GET1: variants seen among roughly 807,000 people sequenced by gnomAD.
The protein encoded by GET1 is congenital heart disease 5 protein.
A neutral mutation model predicts 22.6 loss-of-function variants in GET1; 20 were observed. The ratio of observed to expected loss-of-function variants is 0.89; its 90% CI spans 0.62 to 1.29. The LOEUF (loss-of-function observed/expected upper bound fraction) is 1.29, where lower values mean the gene tolerates loss of function less well. Among genes scored for constraint, GET1 ranks in the 50% most tolerant of loss-of-function variants. The pLI is 0.00. For missense variants in GET1, 209 were observed against 219.9 expected (o/e 0.95, Z 0.31); for synonymous variants, 92 against 83.8 (o/e 1.10, Z -0.53).
chr21:39,390,647 C>T, intron 1 of GET1, 51 bp from the exon 2 acceptor site: 1 of 1,602,172 alleles, frequency 6.2e-7, no homozygotes, highest in Non-Finnish European at 8.5e-7. Context: ...CTGGGGAACC[C>T]TCCTGTGACC....
At chr21:39,403,541 G>A (rs1015200802) in intron 4 of GET1, among the ~76,000 whole-genome samples, 2 of 123,468 alleles carry the variant, frequency 1.6e-5, no homozygotes, top group East Asian at 2.0e-4. Context: ...TAGCCAGGAT[G>A]GTCTCGATCT....
intron 1 of GET1, among the ~76,000 whole-genome samples, chr21:39,385,924 A>C (rs1312359345): frequency 6.6e-6 from 1 of 152,038 alleles, no homozygotes; most frequent in Non-Finnish European, 1.5e-5. Flanking sequence ...CAGGCGCCCT[A>C]GGACTGGCGC....
intron 1 of GET1, among the ~76,000 whole-genome samples, chr21:39,383,403 T>A (rs530963083): frequency 4.7e-4 from 71 of 151,730 alleles, no homozygotes; most frequent in Non-Finnish European, 9.3e-4. Flanking sequence ...TGCCTCAGCT[T>A]CCCAAGTAGC....
chr21:39,423,920 T>C (rs2074182755), intron 1 of GET1, among the ~76,000 whole-genome samples: 1 of 152,180 alleles, frequency 6.6e-6, no homozygotes, highest in Non-Finnish European at 1.5e-5. Flanking sequence ...TTTGGGAGGC[T>C]GCAGTGGGAG....
downstream of GET1, chr21:39,408,581 T>G (rs576528596): frequency 1.3e-5 from 2 of 152,462 alleles, no homozygotes; most frequent in Admixed American, 1.3e-4. Context: ...TGATGAAGTG[T>G]TGTACTCTCT....
At chr21:39,396,751 C>G in intron 4 of GET1, 115 bp from the exon 5 acceptor site, 1 of 929,742 alleles carries the variant, frequency 1.1e-6, no homozygotes, top group Non-Finnish European at 1.7e-6. Flanking sequence ...CACTTCAGCC[C>G]AGCACTGCTC....
At chr21:39,420,972 A>G (rs1440728539) in intron 1 of GET1, 1 of 625,040 alleles carries the variant, frequency 1.6e-6, no homozygotes, top group Non-Finnish European at 2.7e-6. Flanking sequence ...TGACTTATAC[A>G]GGGGACATAT....
chr21:39,399,082 GAAGATAGAGA>G (rs145979134), downstream of GET1, among the ~76,000 whole-genome samples: 525 of 152,350 alleles, frequency 3.4e-3, 2 homozygotes, highest in African/African-American at 0.012. Context: ...GATGAATTCA[GAAGATAGAGA>G]AAGAGCTACA....
chr21:39,394,365 T>C (rs2038503462), intron 4 of GET1, among the ~76,000 whole-genome samples: 2 of 152,172 alleles, frequency 1.3e-5, no homozygotes, highest in Non-Finnish European at 2.9e-5. Context: ...CCTATTAGCT[T>C]TTAATGCTGT....
At chr21:39,419,523 C>CAAAAAAAAAAAAAAAAAA (rs5843964) in intron 1 of GET1, among the ~76,000 whole-genome samples, 1 of 123,544 alleles carries the variant, frequency 8.1e-6, no homozygotes, top group Non-Finnish European at 1.6e-5. Flanking sequence ...AGACCCTGTT[C>CAAAAAAAAAAAAAAAAAA]AAAAAAAAAA....
At chr21:39,395,220 C>T (rs2038560721) in intron 4 of GET1, among the ~76,000 whole-genome samples, 1 of 152,070 alleles carries the variant, frequency 6.6e-6, no homozygotes, top group Non-Finnish European at 1.5e-5. Flanking sequence ...ATTTAGATAT[C>T]TCATTTGCAG....
rs59061269 is a variant in GET1, at chr21:39,424,085, T to A, written c.*24-4147T>A. Among the ~76,000 whole-genome samples, 1,459 of 152,234 alleles carry A rather than the reference T, an allele frequency of 9.6e-3. 28 individuals carry two copies. The highest frequency in any genetic ancestry group is 0.033 in the African/African-American group (1,388 of 41,548). ...TGGAGTGTAGTGGTGCAACCTTGGC[T>A]CACTGCAACCTCTGCATCCCGGGTT... is the stretch of plus-strand genomic sequence containing the variant. On this transcript the variant is annotated intron_variant, in intron 1 of 1. Transcript: ENST00000478273.
chr21:39,390,752 A>G lies in GET1; in HGVS notation c.157A>G (p.Ile53Val), dbSNP rs759346309. ...GCAGGAGTCACAGATGAGAGCGGAG[A>G]TCCAGGACATGAAGCAGGAGCTCTC... The part of the protein sequence containing the change: ...AEQESQMRAE[I>V]QDMKQELSTV... The change falls in exon 2 of 5, where the codon ATC becomes GTC. Residue 53 changes from isoleucine to valine, a missense_variant. Coordinates refer to ENST00000649170, the MANE Select transcript of GET1 (RefSeq NM_004627.6). 6.2e-7 allele frequency: 1 copy of G among 1,614,174 alleles called. No homozygotes were observed. The highest frequency in any genetic ancestry group is 1.1e-5 in the South Asian group (1 of 91,080).
downstream of GET1, among the ~76,000 whole-genome samples, chr21:39,400,930 A>G (rs1381733384): frequency 2.0e-5 from 3 of 149,502 alleles, no homozygotes; most frequent in East Asian, 2.0e-4. Context: ...TTTTTTTTAG[A>G]GACAGGGTCT....
chr21:39,406,844 GA>G, downstream of GET1: 1 of 432,174 alleles, frequency 2.3e-6, no homozygotes, highest in Non-Finnish European at 4.1e-6. Flanking sequence ...GAAACCAAAA[GA>G]AAAATGACAT....
chr21:39,417,473 C>A (rs2041421633), intron 1 of GET1, among the ~76,000 whole-genome samples: 1 of 152,130 alleles, frequency 6.6e-6, no homozygotes, highest in Non-Finnish European at 1.5e-5. Context: ...CTGCTGTTAT[C>A]CTATTACTGG....
intron 1 of GET1, chr21:39,420,564 G>A (rs186583865): frequency 1.7e-4 from 89 of 517,814 alleles, no homozygotes; most frequent in African/African-American, 1.7e-3. Context: ...TGTGGATGGG[G>A]GCCCAGGCCC....
intron 1 of GET1, chr21:39,420,796 C>T: frequency 6.2e-7 from 1 of 1,613,328 alleles, no homozygotes; most frequent in Non-Finnish European, 8.5e-7. Context: ...CAATAGCCAG[C>T]TGCCGGCTAA....
intron 4 of GET1, chr21:39,405,830 G>C (rs1487718501): frequency 2.4e-5 from 32 of 1,322,112 alleles, no homozygotes; most frequent in Non-Finnish European, 3.2e-5. Flanking sequence ...AAGATGCAAG[G>C]CACATAAGCA....
Sources: gnomAD v4.1 joint callset for allele counts (sites outside exome capture counted in the v4.1 genomes callset) on GRCh38, gnomAD v4.1.1 for gene constraint, MANE v1.5 for transcripts, NCBI Gene and HGNC (gene_info 2026-07-23, HGNC 2026-07-21) for gene names.